KEAP1: variants seen among roughly 807,000 people sequenced by gnomAD.
The protein encoded by KEAP1 is kelch-like ECH-associated protein 1.
A neutral mutation model predicts 59.7 loss-of-function variants in KEAP1; 26 were observed. The observed-to-expected ratio is 0.44, with a 90% CI of 0.32 to 0.60. The LOEUF is 0.60. Among genes scored for constraint, KEAP1 ranks in the 20% least tolerant of loss-of-function variants. KEAP1 has a pLI of 0.06. For missense variants in KEAP1, 539 were observed against 871.4 expected, an observed-to-expected ratio of 0.62 and a Z score of 4.80; for synonymous variants, 350 against 358.3, an observed-to-expected ratio of 0.98 and a Z score of 0.26.
intron 2 of KEAP1, among the ~76,000 whole-genome samples, chr19:10,495,153 G>A (rs1914811195): frequency 6.6e-6 from 1 of 151,810 alleles, no homozygotes; most frequent in South Asian, 2.1e-4. Context: ...GTAGAGATGG[G>A]ATGTCTGAGT....
At chr19:10,496,117 A>G (rs1165840618) in intron 2 of KEAP1, among the ~76,000 whole-genome samples, 3 of 150,006 alleles carry the variant, frequency 2.0e-5, no homozygotes, top group Admixed American at 6.7e-5. Context: ...TGAGCCCAGG[A>G]GCTGGAGTTT....
chr19:10,486,135 T>C lies in KEAP1; in HGVS notation c.*517A>G, dbSNP rs3177696. 0.098 allele frequency: 21,479 copies of C among 219,818 alleles called. 1,197 individuals carry two copies. The highest frequency in any genetic ancestry group is 0.2 in the South Asian group (1,076 of 5,410). 13.6% of individuals were successfully genotyped at this position (219,818 alleles called of 1,614,324 possible). A position where few individuals can be genotyped will look rare whatever the true frequency, so the allele number is the denominator to read the frequency against. The stretch of plus-strand genomic sequence containing the variant: ...AGCCCAGAGCCAGGGTGAAAGACAC[T>C]AGTTAGTCTGTTCTTTATTTTCCTT... On this transcript the variant is annotated 3_prime_UTR_variant, in exon 6 of 6. Transcript: ENST00000171111.
In KEAP1 at chr19:10,499,256, A is replaced by G; in HGVS notation, c.639+139T>C. On this transcript the variant is annotated intron_variant, in intron 2 of 5. Transcript: ENST00000171111. This position sits in a 1 kb window ranked among gnomAD's most constrained non-coding sequence, Gnocchi z 6.7. ...CGCCTCAGCCCCTCAAACTGTGGAG[A>G]CTACACCACCATACCCAGCCCAGAA... 3.8e-6 allele frequency: 3 copies of G among 780,150 alleles called. No individual in the cohort carries two copies. Among genetic ancestry groups the G allele is most frequent in the Non-Finnish European group, 6.0e-6 (3 of 497,936 alleles). The allele number at this position is 780,150 out of a possible 1,614,324, so 48.3% of individuals were successfully genotyped here.
intron 1 of KEAP1, among the ~76,000 whole-genome samples, chr19:10,500,495 G>A (rs563081164): frequency 6.6e-6 from 1 of 152,254 alleles, no homozygotes; most frequent in African/African-American, 2.4e-5. Context: ...CCTACTGTAT[G>A]CCAGGCACTG....
intron 3 of KEAP1, chr19:10,490,975 T>C (rs1456386302): frequency 6.6e-6 from 1 of 151,978 alleles, no homozygotes; most frequent in East Asian, 1.9e-4. Flanking sequence ...TCGCAGCACT[T>C]TGGGAGGTTG....
rs761357031 is a variant in KEAP1 at position 10,491,680 on chromosome 19, G to A, written c.1222C>T (p.Pro408Ser). The change falls in exon 3 of 6, where the codon CCC becomes TCC. Residue 408 changes from proline (P) to serine (S), a missense_variant. Around this residue, in one of 4 missense-constraint regions of KEAP1, gnomAD observed 311 missense variants for 425.2 expected, o/e 0.73. Transcript: ENST00000171111. This position sits in a 1 kb window ranked among gnomAD's most constrained non-coding sequence, Gnocchi z 5.2. ...PMTNQWSPCAPMSVPRNRIGV... is the reference protein window; with the variant it reads ...PMTNQWSPCASMSVPRNRIGV... Reference sequence around the variant, plus strand: ...ATGCGGTTACGGGGCACGCTCATGGGGGCGCAGGGCGACCACTGATTGGTC... The same window carrying A: ...ATGCGGTTACGGGGCACGCTCATGGAGGCGCAGGGCGACCACTGATTGGTC... 2.5e-6 allele frequency: 4 copies of A among 1,578,168 alleles called. No homozygotes were observed. The highest frequency in any genetic ancestry group is 3.4e-6 in the Non-Finnish European group (4 of 1,163,140).
rs1219254354 is a variant in KEAP1 at position 10,503,088 on chromosome 19, C to T, written c.-48+153G>A. The T allele has an allele frequency of 6.6e-6, 1 of 152,258 alleles. No individual in the cohort carries two copies. The highest frequency in any genetic ancestry group is 2.4e-5 in the African/African-American group (1 of 41,444). 9.4% of individuals were successfully genotyped at this position (152,258 alleles called of 1,614,324 possible). A position where few individuals can be genotyped will look rare whatever the true frequency, so the allele number is the denominator to read the frequency against. Reference sequence around the variant, plus strand: ...CCTCCCCGTCGCTGCTGCCCAAGCGCTCACCTCAGCCCCCAGGTCGCCTCC... The same window carrying T: ...CCTCCCCGTCGCTGCTGCCCAAGCGTTCACCTCAGCCCCCAGGTCGCCTCC... On this transcript the variant is annotated intron_variant, in intron 1 of 5. Transcript: ENST00000171111. The surrounding 1 kb of genome is among the most constrained non-coding windows in gnomAD (Gnocchi z 4.3).
intron 1 of KEAP1, among the ~76,000 whole-genome samples, chr19:10,501,823 G>A (rs1380446885): frequency 6.6e-6 from 1 of 152,016 alleles, no homozygotes; most frequent in Non-Finnish European, 1.5e-5. Flanking sequence ...TGGGATTACA[G>A]GCATAGGCTG....
intron 2 of KEAP1, among the ~76,000 whole-genome samples, chr19:10,494,997 C>T (rs1197757049): frequency 1.3e-5 from 2 of 150,714 alleles, no homozygotes; most frequent in Middle Eastern, 3.4e-3. Context: ...CTCACTCTGT[C>T]GTCAGGCTGG....
intron 2 of KEAP1, among the ~76,000 whole-genome samples, chr19:10,493,557 C>CTTT (rs756608531): frequency 2.9e-3 from 283 of 96,298 alleles, no homozygotes; most frequent in Middle Eastern, 8.2e-3. Context: ...GTCTCAAACT[C>CTTT]TTTTTTTTTT....
intron 2 of KEAP1, among the ~76,000 whole-genome samples, chr19:10,498,285 C>T (rs975007697): frequency 2.6e-4 from 40 of 151,466 alleles, no homozygotes; most frequent in Non-Finnish European, 5.2e-4. Context: ...CTGCAACCTC[C>T]ACCTCCCCGG....
intron 2 of KEAP1, among the ~76,000 whole-genome samples, chr19:10,496,916 C>A (rs1440130595): frequency 2.6e-5 from 4 of 151,832 alleles, no homozygotes; most frequent in African/African-American, 9.7e-5. Flanking sequence ...CTCAGGGGTT[C>A]GAGACCAGCC....
intron 4 of KEAP1, 69 bp downstream of exon 4, chr19:10,489,579 T>C: frequency 6.4e-7 from 1 of 1,558,494 alleles, no homozygotes. Context: ...CTCCCAGGCC[T>C]GGCTCAGTTT....
chr19:10,492,979 G>A lies in KEAP1; in HGVS notation c.640-717C>T, dbSNP rs528067002. On this transcript the variant is annotated intron_variant, in intron 2 of 5. Transcript: ENST00000171111. ...TGACATTACAGGCACCTACCACCAT[G>A]CCCCGTTAATTTTTATTTTATTTTA... Among the ~76,000 whole-genome samples, 23 of 150,074 alleles carry A rather than the reference G, an allele frequency of 1.5e-4. No individual in the cohort carries two copies. In the East Asian group the frequency reaches 4.6e-3, roughly 30 times the overall value.
chr19:10,497,027 G>A (rs1914874429), intron 2 of KEAP1, among the ~76,000 whole-genome samples: 1 of 151,834 alleles, frequency 6.6e-6, no homozygotes. Flanking sequence ...GGGAGGCTGA[G>A]GCAGGAGAAT....
intron 2 of KEAP1, among the ~76,000 whole-genome samples, chr19:10,496,088 C>T (rs934229535): frequency 6.6e-6 from 1 of 151,284 alleles, no homozygotes; most frequent in South Asian, 2.1e-4. Flanking sequence ...ACTCAGGAGA[C>T]TGAGGTGGGA....
At chr19:10,495,284 T>A (rs909777900) in intron 2 of KEAP1, among the ~76,000 whole-genome samples, 2 of 152,144 alleles carry the variant, frequency 1.3e-5, no homozygotes, top group Admixed American at 1.3e-4. Context: ...AGCACTGAGA[T>A]TATACGCACG....
chr19:10,496,845 A>G (rs1456108939), intron 2 of KEAP1, among the ~76,000 whole-genome samples: 1 of 150,656 alleles, frequency 6.6e-6, no homozygotes, highest in East Asian at 2.0e-4. Context: ...GCGTGGGCGC[A>G]GTGTCTCATG....
rs1175984321 is a variant in KEAP1, at chr19:10,502,787, G to A, written c.-48+454C>T. 6.6e-6 allele frequency: 1 copy of A among 151,964 alleles called. No homozygotes were observed. Among genetic ancestry groups the A allele is most frequent in the Non-Finnish European group, 1.5e-5 (1 of 67,956 alleles). The allele number at this position is 151,964 out of a possible 1,614,324, so 9.4% of individuals were successfully genotyped here. ...TGGGGGAGGCGCGGAGCGCGCGCAG[G>A]TCACCATGACTAAGCAGAGCCGGGC... is the stretch of plus-strand genomic sequence containing the variant. On this transcript the variant is annotated intron_variant, in intron 1 of 5. Coordinates refer to ENST00000171111, the MANE Select transcript of KEAP1 (RefSeq NM_203500.2). The surrounding 1 kb of genome is among the most constrained non-coding windows in gnomAD (Gnocchi z 4.0).
Sources: allele counts gnomAD v4.1 joint callset (sites outside exome capture counted in the v4.1 genomes callset), GRCh38; gene constraint gnomAD v4.1.1; regional missense constraint gnomAD v4.1.1; non-coding constraint Gnocchi (gnomAD v3.1); transcripts MANE v1.5; gene names NCBI Gene and HGNC (gene_info 2026-07-23, HGNC 2026-07-21).